The following TLE3 variants were observed in gnomAD, a reference collection of about 807,000 sequenced individuals.
TLE3 encodes transducin-like enhancer protein 3.
Under a neutral mutation model 93.0 loss-of-function variants are expected in TLE3, and 14 were observed. The ratio of observed to expected loss-of-function variants is 0.15; its 90% confidence interval spans 0.10 to 0.24. TLE3 has a LOEUF of 0.24. Ranked by LOEUF, TLE3 falls within the 10% of genes least tolerant of loss-of-function variation. The pLI is 1.00. For missense variants in TLE3, 693 were observed against 1,046.6 expected (o/e 0.66, Z 4.66); for synonymous variants, 451 against 425.0 (o/e 1.06, Z -0.75).
intron 19 of TLE3, chr15:70,051,161 G>A: frequency 5.0e-6 from 2 of 403,964 alleles, no homozygotes; most frequent in African/African-American, 2.1e-5. Context: ...CTTGCCCTCG[G>A]GGGTCAGAAG....
At position 70,049,960 on chromosome 15, in the gene TLE3, C is replaced by G. The variant is rs368309998; in HGVS notation, c.*137G>C. 1 of 674,558 alleles carries G rather than the reference C, an allele frequency of 1.5e-6. No individual in the cohort carries two copies. The highest frequency in any genetic ancestry group is 2.6e-5 in the East Asian group (1 of 38,622). 41.8% of individuals were successfully genotyped at this position (674,558 alleles called of 1,614,324 possible). ...GTGACGGGGCACGTGCCCTCTCAGC[C>G]GGCCGGAGCGCAGCCCTGAACGCTC... On this transcript the variant is annotated 3_prime_UTR_variant, in exon 20 of 20. Transcript: ENST00000451782.
chr15:70,065,973 A>ACCCCAGCCCCCCCCCCCC, intron 7 of TLE3, 41 bp downstream of exon 7: 18 of 806,238 alleles, frequency 2.2e-5, no homozygotes, highest in Non-Finnish European at 2.9e-5. Flanking sequence ...GCCCATGCCC[A>ACCCCAGCCCCCCCCCCCC]CCCCTGCCCC....
chr15:70,078,537 G>C (rs533371994), intron 4 of TLE3, among the ~76,000 whole-genome samples: 1 of 152,370 alleles, frequency 6.6e-6, no homozygotes, highest in East Asian at 1.9e-4. Context: ...AGTATCACTG[G>C]CATCTCTGCA....
rs933115296 is a variant in TLE3, at chr15:70,049,781, CAG to C, written c.*314_*315del. On this transcript the variant is annotated 3_prime_UTR_variant, in exon 20 of 20. Transcript: ENST00000451782. ...GGGCAAAAGAAAAGGGAAGAACAAA[CAG>C]AGACTCATGAGCGGGTCTGTGGGGG... 82 of 260,006 alleles carry C rather than the reference CAG, an allele frequency of 3.2e-4. No homozygotes were observed. The highest frequency in any genetic ancestry group is 1.7e-3 in the African/African-American group (80 of 46,438). 16.1% of individuals were successfully genotyped at this position (260,006 alleles called of 1,614,324 possible).
At chr15:70,080,440 TACTAGATACAG>T (rs2057715248) in intron 4 of TLE3, among the ~76,000 whole-genome samples, 1 of 152,222 alleles carries the variant, frequency 6.6e-6, no homozygotes, top group African/African-American at 2.4e-5. Context: ...GGAACTAATC[TACTAGATACAG>T]ACAGAGAAGC....
At chr15:70,065,969 G>GGCCCCCCCCGCCCCCCCC in intron 7 of TLE3, 45 bp downstream of exon 7, 2 of 1,294,406 alleles carry the variant, frequency 1.5e-6, no homozygotes, top group Non-Finnish European at 2.2e-6. Context: ...GAGCGCCCAT[G>GGCCCCCCCCGCCCCCCCC]CCCACCCCTG....
intron 13 of TLE3, among the ~76,000 whole-genome samples, chr15:70,057,198 G>A (rs992050589): frequency 1.3e-5 from 2 of 152,218 alleles, no homozygotes; most frequent in African/African-American, 4.8e-5. Flanking sequence ...GCCCCGTTTT[G>A]CAGACTAAAA....
intron 6 of TLE3, among the ~76,000 whole-genome samples, chr15:70,072,137 G>A (rs2057215127): frequency 6.6e-6 from 1 of 152,158 alleles, no homozygotes; most frequent in African/African-American, 2.4e-5. Context: ...TGAAAATGGG[G>A]GTCACAGGCC....
In TLE3 at chr15:70,050,083, G is replaced by C. The variant is rs775873346; in HGVS notation, c.*14C>G. The C allele has an allele frequency of 5.0e-6, 8 of 1,606,508 alleles. No individual in the cohort carries two copies. In the South Asian group the frequency reaches 7.7e-5, roughly 15 times the overall value. On this transcript the variant is annotated 3_prime_UTR_variant, in exon 20 of 20. Transcript: ENST00000451782. ...GTTTCTCCCAGAGTTTGACAGCCCT[G>C]CTGGAGTTCTTGTTTAGTAGATGAC...
At chr15:70,062,689 C>A (rs1006868186) in intron 8 of TLE3, among the ~76,000 whole-genome samples, 3 of 152,002 alleles carry the variant, frequency 2.0e-5, no homozygotes, top group African/African-American at 7.3e-5. Context: ...CACTCTGACA[C>A]AGCCCTGTCC....
chr15:70,075,661 C>T (rs575794398), intron 5 of TLE3, among the ~76,000 whole-genome samples: 321 of 152,290 alleles, frequency 2.1e-3, no homozygotes, highest in African/African-American at 7.5e-3. Context: ...CTAGTCCAGC[C>T]GCTGTCCCAA....
At chr15:70,068,217 T>C (rs1327217514) in intron 6 of TLE3, among the ~76,000 whole-genome samples, 1 of 152,246 alleles carries the variant, frequency 6.6e-6, no homozygotes, top group Non-Finnish European at 1.5e-5. Context: ...CTCGGAAGAT[T>C]CTACTGTTAA....
intron 6 of TLE3, 173 bp downstream of exon 6, chr15:70,074,360 G>C: frequency 1.4e-6 from 1 of 695,996 alleles, no homozygotes; most frequent in South Asian, 2.1e-5. Context: ...TGGGAGCCAA[G>C]GGGGAAACAG....
At position 70,055,039 on chromosome 15, in the gene TLE3, G is replaced by A. The variant is rs1373725721; in HGVS notation, c.1578+10C>T. 1.3e-6 allele frequency: 2 copies of A among 1,599,164 alleles called. No individual in the cohort carries two copies. Among genetic ancestry groups the A allele is most frequent in the East Asian group, 2.3e-5 (1 of 44,022 alleles). ...AGCTGGAGGCGGCGCAGCAGCCCTG[G>A]GATTCTCACCAGGCAGTCCAGCTGG... On this transcript the variant is annotated intron_variant, in intron 15 of 19. Coordinates refer to ENST00000451782, the MANE Select transcript of TLE3 (RefSeq NM_001105192.3).
chr15:70,084,897 C>T (rs1308248942), intron 4 of TLE3, among the ~76,000 whole-genome samples: 1 of 152,208 alleles, frequency 6.6e-6, no homozygotes, highest in Non-Finnish European at 1.5e-5. Flanking sequence ...TTTCCATGTG[C>T]AAGGTTTTGT....
chr15:70,079,411 C>G (rs1307752204), intron 4 of TLE3: 1 of 463,346 alleles, frequency 2.2e-6, no homozygotes, highest in Non-Finnish European at 4.3e-6. Flanking sequence ...GGGAGAACCT[C>G]CTGGTTCACC....
At position 70,053,608 on chromosome 15, in the gene TLE3, G is replaced by T. The variant is rs1010033930; in HGVS notation, c.1827-234C>A. 2.7e-5 allele frequency: 11 copies of T among 403,860 alleles called. No individual in the cohort carries two copies. The Middle Eastern group carries it at 2.0e-3, about 72-fold the overall frequency. The allele number at this position is 403,860 out of a possible 1,614,324, so 25.0% of individuals were successfully genotyped here. A position where few individuals can be genotyped will look rare whatever the true frequency, so the allele number is the denominator to read the frequency against. ...AGGGACAAGTCCCCTGGGAAATGGG[G>T]GGGGGAGGTGAAAAAGGGACCTTGC... On this transcript the variant is annotated intron_variant, in intron 16 of 19. Transcript: ENST00000451782.
At chr15:70,082,871 A>G (rs2057853061) in intron 4 of TLE3, among the ~76,000 whole-genome samples, 1 of 151,988 alleles carries the variant, frequency 6.6e-6, no homozygotes. Flanking sequence ...ACGGCAAGGG[A>G]CTCTGGGGTT....
intron 19 of TLE3, 143 bp from the exon 20 acceptor site, chr15:70,050,347 C>T (rs1331083746): frequency 1.5e-6 from 1 of 668,726 alleles, no homozygotes; most frequent in Admixed American, 2.3e-5. Flanking sequence ...GATGCTCCGA[C>T]CTGGAGCACA....
Sources: gnomAD v4.1 joint callset for allele counts (sites outside exome capture counted in the v4.1 genomes callset) on GRCh38, gnomAD v4.1.1 for gene constraint, MANE v1.5 for transcripts, NCBI Gene and HGNC (gene_info 2026-07-23, HGNC 2026-07-21) for gene names.